Variants in MAGI2 observed in about 807,000 individuals in gnomAD.
MAGI2 encodes the protein membrane-associated guanylate kinase, WW and PDZ domain-containing protein 2.
In MAGI2, 35 loss-of-function variants were observed where a neutral mutation model predicts 133.3. The ratio of observed to expected loss-of-function variants is 0.26; its 90% CI spans 0.20 to 0.35. MAGI2 has a LOEUF of 0.35. MAGI2 is among the 10% of genes least tolerant of loss of function. The pLI is 1.00. For synonymous variants in MAGI2, 729 were observed against 710.6 expected (o/e 1.03, Z -0.41); for missense variants, 1,636 against 1,863.4 (o/e 0.88, Z 2.25).
chr7:79,316,107 G>C (rs1838703895), intron 1 of MAGI2, among the ~76,000 whole-genome samples: 1 of 152,068 alleles, frequency 6.6e-6, no homozygotes, highest in Admixed American at 6.6e-5. Context: ...ATTCAAAAAG[G>C]ATGGGGGGCC....
At chr7:78,372,882 A>G (rs1299619718) in intron 6 of MAGI2, among the ~76,000 whole-genome samples, 1 of 152,006 alleles carries the variant, frequency 6.6e-6, no homozygotes, top group Non-Finnish European at 1.5e-5. Flanking sequence ...GAAAACAGAG[A>G]CCCCTTTATG....
chr7:78,760,028 T>C (rs573043386), intron 2 of MAGI2, among the ~76,000 whole-genome samples: 2 of 152,140 alleles, frequency 1.3e-5, no homozygotes, highest in Admixed American at 6.5e-5. Flanking sequence ...GGCAGAAGAA[T>C]TGCTTGAACC....
chr7:78,779,084 A>G (rs1313810770), intron 2 of MAGI2, among the ~76,000 whole-genome samples: 4 of 151,896 alleles, frequency 2.6e-5, no homozygotes, highest in Admixed American at 2.6e-4. Flanking sequence ...AATGTTTTGT[A>G]TTTTTAGTAG....
At chr7:79,247,125 A>G (rs2129555419) in intron 1 of MAGI2, among the ~76,000 whole-genome samples, 1 of 152,312 alleles carries the variant, frequency 6.6e-6, no homozygotes, top group Admixed American at 6.5e-5. Flanking sequence ...TCAATACCAG[A>G]TCTGTCCTAC....
At chr7:78,349,793 A>G (rs930377018) in intron 7 of MAGI2, among the ~76,000 whole-genome samples, 1 of 152,250 alleles carries the variant, frequency 6.6e-6, no homozygotes, top group African/African-American at 2.4e-5. Flanking sequence ...ATGTGATTGT[A>G]GCTGAATAGA....
intron 21 of MAGI2, among the ~76,000 whole-genome samples, chr7:78,063,978 CCT>C (rs945514214): frequency 3.3e-5 from 5 of 151,958 alleles, no homozygotes; most frequent in Admixed American, 2.6e-4. Flanking sequence ...CACAAAGAGC[CCT>C]CTCTCTCTTT....
At chr7:79,195,687 G>T (rs745552987) in intron 1 of MAGI2, among the ~76,000 whole-genome samples, 26 of 151,894 alleles carry the variant, frequency 1.7e-4, no homozygotes, top group Non-Finnish European at 3.4e-4. Context: ...AGCATTCTCA[G>T]TGTTTAATTC....
intron 1 of MAGI2, among the ~76,000 whole-genome samples, chr7:79,232,779 G>T: frequency 1.0e-5 from 1 of 95,624 alleles, no homozygotes; most frequent in East Asian, 2.9e-4. Flanking sequence ...AGGGTTTTTT[G>T]TGTCTCTATT....
At chr7:79,147,836 T>G (rs1327115924) in intron 1 of MAGI2, among the ~76,000 whole-genome samples, 1 of 152,148 alleles carries the variant, frequency 6.6e-6, no homozygotes, top group African/African-American at 2.4e-5. Context: ...TGCCAGGCCC[T>G]GGGTGCAGAT....
At chr7:78,825,531 T>C (rs1790548863) in intron 2 of MAGI2, among the ~76,000 whole-genome samples, 1 of 152,204 alleles carries the variant, frequency 6.6e-6, no homozygotes, top group South Asian at 2.1e-4. Flanking sequence ...AAGGCACTAT[T>C]TAATGGGCAC....
chr7:79,083,972 A>C (rs1816271652), intron 1 of MAGI2, among the ~76,000 whole-genome samples: 1 of 151,586 alleles, frequency 6.6e-6, no homozygotes, highest in African/African-American at 2.4e-5. Flanking sequence ...TCATTCCCTT[A>C]TAATCTTTTT....
In MAGI2 at chr7:79,171,777, T is replaced by A. The variant is rs1331008858; in HGVS notation, c.302-164571A>T. On this transcript the variant is annotated intron_variant, in intron 1 of 21. Coordinates refer to ENST00000354212, the MANE Select transcript of MAGI2 (RefSeq NM_012301.4). ...ATATATATATATATATATATTTTTT[T>A]TTTTTTTTTCTTTTAAAGGGTCTCC... Among the ~76,000 whole-genome samples the A allele has an allele frequency of 4.0e-3, 434 of 107,430 alleles. 5 individuals are homozygous for A. The highest frequency in any genetic ancestry group is 0.025 in the East Asian group (87 of 3,540). 70.5% of individuals were successfully genotyped at this position (107,430 alleles called of 152,430 possible). A position where few individuals can be genotyped will look rare whatever the true frequency, so the allele number is the denominator to read the frequency against.
rs569184491 is a variant in MAGI2 at position 78,495,860 on chromosome 7, C to A, written c.965+5717G>T. ...TTTATTTTCTGTCTGGAAATTACACCAGAATCTTGTGCAGGCACAAGAAAA... is the reference window on the plus strand; with the variant it reads ...TTTATTTTCTGTCTGGAAATTACACAAGAATCTTGTGCAGGCACAAGAAAA... On this transcript the variant is annotated intron_variant, in intron 5 of 21. Coordinates refer to ENST00000354212, the MANE Select transcript of MAGI2 (RefSeq NM_012301.4). 2.2e-3 allele frequency among the ~76,000 whole-genome samples: 335 copies of A among 152,080 alleles called. 6 individuals carry two copies. Among genetic ancestry groups the A allele is most frequent in the Admixed American group, 0.022 (334 of 15,260 alleles).
intron 20 of MAGI2, among the ~76,000 whole-genome samples, chr7:78,090,318 T>C (rs1817061814): frequency 6.6e-6 from 1 of 152,218 alleles, no homozygotes; most frequent in Non-Finnish European, 1.5e-5. Flanking sequence ...TTATAAACTC[T>C]TGGAAAGAGG....
At chr7:78,074,887 G>T (rs757667792) in intron 21 of MAGI2, among the ~76,000 whole-genome samples, 9 of 152,142 alleles carry the variant, frequency 5.9e-5, no homozygotes, top group African/African-American at 1.7e-4. Flanking sequence ...TGCTTCTGGC[G>T]CAGAAAAGGT....
intron 6 of MAGI2, among the ~76,000 whole-genome samples, chr7:78,473,156 T>C (rs936302221): frequency 5.3e-5 from 8 of 152,140 alleles, no homozygotes; most frequent in African/African-American, 1.9e-4. Context: ...CAAAAGCAAC[T>C]GAGCCACAAG....
At chr7:78,425,623 A>G (rs750851234) in intron 6 of MAGI2, among the ~76,000 whole-genome samples, 9 of 152,218 alleles carry the variant, frequency 5.9e-5, no homozygotes, top group Non-Finnish European at 1.2e-4. Flanking sequence ...TGCTACAGAG[A>G]TAAGAGATGA....
intron 6 of MAGI2, among the ~76,000 whole-genome samples, chr7:78,460,652 T>C (rs1789874942): frequency 6.6e-6 from 1 of 152,312 alleles, no homozygotes; most frequent in Non-Finnish European, 1.5e-5. Flanking sequence ...TTACAAAGGA[T>C]ATCTGAATAC....
chr7:78,781,171 G>T (rs1200071726), intron 2 of MAGI2, among the ~76,000 whole-genome samples: 2 of 152,170 alleles, frequency 1.3e-5, no homozygotes, highest in East Asian at 3.9e-4. Context: ...GAGGTCAGGA[G>T]ATCGAGACCA....
Sources: gnomAD v4.1 joint callset for allele counts (sites outside exome capture counted in the v4.1 genomes callset) on GRCh38, gnomAD v4.1.1 for gene constraint, MANE v1.5 for transcripts, NCBI Gene and HGNC (gene_info 2026-07-23, HGNC 2026-07-21) for gene names.